Variants in ACTR3 observed in about 807,000 individuals in gnomAD.
ACTR3 encodes the protein actin related protein 3.
A neutral mutation model predicts 56.8 loss-of-function variants in ACTR3; 12 were observed. That is an observed-to-expected ratio of 0.21 (90% CI 0.14 to 0.34). The LOEUF (loss-of-function observed/expected upper bound fraction) is 0.34. Among genes scored for constraint, ACTR3 ranks in the 10% least tolerant of loss-of-function variants. The pLI, the probability that ACTR3 is intolerant of heterozygous loss-of-function variation, is 1.00. For missense variants in ACTR3, 282 were observed against 512.5 expected, an observed-to-expected ratio of 0.55 and a Z score of 4.34; for synonymous variants, 162 against 167.4, an observed-to-expected ratio of 0.97 and a Z score of 0.25.
In ACTR3 at chr2:113,911,936, C is replaced by T. The variant is rs563624762; in HGVS notation, c.45-1236C>T. 2.6e-5 allele frequency among the ~76,000 whole-genome samples: 4 copies of T among 152,188 alleles called. No homozygotes were observed. The East Asian group carries it at 7.7e-4, about 29-fold the overall frequency. ...TTTTTAGTAGAGTTGGGGGTTTCAC[C>T]ATGTTGGTTAGGCTGGTCTCGAACT... On this transcript the variant is annotated intron_variant, in intron 1 of 11. Transcript: ENST00000263238.
intron 4 of ACTR3, among the ~76,000 whole-genome samples, chr2:113,928,483 C>T (rs776076964): frequency 7.2e-5 from 11 of 152,062 alleles, no homozygotes; most frequent in Admixed American, 4.6e-4. Flanking sequence ...ATAAAATCAC[C>T]GGTCTGCACC....
chr2:113,911,475 A>C (rs912305838), intron 1 of ACTR3, among the ~76,000 whole-genome samples: 6 of 144,644 alleles, frequency 4.1e-5, no homozygotes, highest in African/African-American at 1.6e-4. Context: ...GCTGGAATAC[A>C]GTGGCATGAT....
At chr2:113,931,109 T>A (rs1679716275) in intron 4 of ACTR3, among the ~76,000 whole-genome samples, 192 bp from the exon 5 acceptor site, 1 of 152,146 alleles carries the variant, frequency 6.6e-6, no homozygotes, top group Non-Finnish European at 1.5e-5. Context: ...ATTACCATAC[T>A]GTTTTCATAT....
intron 3 of ACTR3, among the ~76,000 whole-genome samples, chr2:113,926,177 A>G (rs914443728): frequency 4.6e-5 from 7 of 152,354 alleles, no homozygotes; most frequent in Admixed American, 2.0e-4. Context: ...TTCTTGTTTT[A>G]TATCGATGTT....
intron 5 of ACTR3, among the ~76,000 whole-genome samples, chr2:113,933,065 TAAAAA>T (rs1213152804): frequency 6.6e-6 from 1 of 152,202 alleles, no homozygotes. Context: ...TTCTCACACT[TAAAAA>T]AGAATTGTGT....
intron 1 of ACTR3, among the ~76,000 whole-genome samples, chr2:113,909,930 A>G (rs1242474977): frequency 6.6e-6 from 1 of 152,194 alleles, no homozygotes; most frequent in Non-Finnish European, 1.5e-5. Context: ...GTAGAGCATC[A>G]TTTGAAGATT....
At chr2:113,945,456 ACT>A (rs1351604554) in intron 8 of ACTR3, among the ~76,000 whole-genome samples, 6 of 151,594 alleles carry the variant, frequency 4.0e-5, no homozygotes, top group Admixed American at 3.3e-4. Context: ...TTCTTTCTAG[ACT>A]CTCTTTTCTT....
In ACTR3 at chr2:113,952,004, C is replaced by T. The variant is rs558266424; in HGVS notation, c.1077+159C>T. On this transcript the variant is annotated intron_variant, in intron 10 of 11. Transcript: ENST00000263238. ...GTTATAGATTTATGTCTGTGATATT[C>T]TGGATCATTTGATTCTTCTAGGATA... 7.4e-6 allele frequency: 7 copies of T among 947,230 alleles called. No individual in the cohort carries two copies. The East Asian group carries it at 1.6e-4, about 22-fold the overall frequency. 58.7% of individuals were successfully genotyped at this position (947,230 alleles called of 1,614,324 possible). A position where few individuals can be genotyped will look rare whatever the true frequency, so the allele number is the denominator to read the frequency against.
intron 3 of ACTR3, among the ~76,000 whole-genome samples, chr2:113,919,180 G>T (rs1235942544): frequency 1.3e-5 from 2 of 152,078 alleles, no homozygotes; most frequent in Non-Finnish European, 2.9e-5. Flanking sequence ...TTTAAAAAAG[G>T]TAAATATGAC....
chr2:113,924,054 CTTT>C (rs35658755), intron 3 of ACTR3, among the ~76,000 whole-genome samples: 18 of 134,914 alleles, frequency 1.3e-4, no homozygotes, highest in Admixed American at 2.2e-4. Flanking sequence ...ACTTTTTTCT[CTTT>C]TTTTTTTTTT....
chr2:113,948,662 C>G (rs746036045), intron 8 of ACTR3, among the ~76,000 whole-genome samples: 2 of 152,140 alleles, frequency 1.3e-5, no homozygotes, highest in Admixed American at 6.5e-5. Flanking sequence ...GAAATCTTTT[C>G]CCTTCCTATA....
At chr2:113,917,536 A>AGTAACCCTGAAGCTTTCCTT (rs1679430185) in intron 3 of ACTR3, among the ~76,000 whole-genome samples, 2 of 152,164 alleles carry the variant, frequency 1.3e-5, no homozygotes, top group Admixed American at 1.3e-4. Flanking sequence ...GAACAAATCT[A>AGTAACCCTGAAGCTTTCCTT]GTAACCCTGA....
rs1343976064 is a variant in ACTR3 at position 113,934,380 on chromosome 2, T to C, written c.534T>C (p.Ile178=). 6.3e-7 allele frequency: 1 copy of C among 1,581,682 alleles called. No individual in the cohort carries two copies. Among genetic ancestry groups the C allele is most frequent in the Non-Finnish European group, 8.6e-7 (1 of 1,165,740 alleles). ...IDSGDGVTHV[I]PVAEGYVIGS... is the part of the protein sequence containing the mutation. ...GTGGAGATGGTGTCACTCATGTCAT[T>C]CCTGTGGTAAGGCTATTTTACAGTT... is the stretch of plus-strand genomic sequence containing the variant. Residue 178 remains isoleucine, a synonymous_variant, in exon 6 of 12, where the codon ATT becomes ATC. Coordinates refer to ENST00000263238, the MANE Select transcript of ACTR3 (RefSeq NM_005721.5).
At chr2:113,938,774 C>T (rs1303788404) in intron 6 of ACTR3, among the ~76,000 whole-genome samples, 2 of 152,152 alleles carry the variant, frequency 1.3e-5, no homozygotes, top group African/African-American at 2.4e-5. Flanking sequence ...TTCCCAGCTC[C>T]CTGTTGGTTC....
At chr2:113,901,843 A>G (rs962045220) in intron 1 of ACTR3, among the ~76,000 whole-genome samples, 2 of 152,214 alleles carry the variant, frequency 1.3e-5, no homozygotes, top group East Asian at 3.8e-4. Context: ...TCACCACTAT[A>G]TTAGCCCCTA....
Position 113,890,132 on chromosome 2 carries a change from C to T in ACTR3, c.-148C>T. ...GCCGACCGAGCCTGCTGCTTTCTTG[C>T]TACTGCTTCGGCTTCCCGGCTACCC... On this transcript the variant is annotated 5_prime_UTR_variant, in exon 1 of 12. Transcript: ENST00000263238. 1.0e-6 allele frequency: 1 copy of T among 982,292 alleles called. No individual in the cohort carries two copies. The highest frequency in any genetic ancestry group is 1.5e-6 in the Non-Finnish European group (1 of 646,992). 60.8% of individuals were successfully genotyped at this position (982,292 alleles called of 1,614,324 possible).
At chr2:113,934,247 T>TTTTTTTTTTTTTTTTTTTTC in intron 5 of ACTR3, 32 bp from the exon 6 acceptor site, 1 of 1,439,238 alleles carries the variant, frequency 6.9e-7, no homozygotes, top group Non-Finnish European at 9.5e-7. Context: ...TTTTTTTTGT[T>TTTTTTTTTTTTTTTTTTTTC]TTTTTGCCTT....
At chr2:113,890,816 AGGGTGTGGGT>A in intron 1 of ACTR3, 1 of 993,616 alleles carries the variant, frequency 1.0e-6, no homozygotes, top group Non-Finnish European at 1.2e-6. Context: ...CATTCTGCCC[AGGGTGTGGGT>A]GGGGAAAGGG....
chr2:113,898,235 T>C (rs1362753505), intron 1 of ACTR3, among the ~76,000 whole-genome samples: 1 of 152,048 alleles, frequency 6.6e-6, no homozygotes, highest in African/African-American at 2.4e-5. Context: ...GGTACAAATA[T>C]AGCATTTAAT....
Sources: gnomAD v4.1 joint callset for allele counts (sites outside exome capture counted in the v4.1 genomes callset) on GRCh38, gnomAD v4.1.1 for gene constraint, MANE v1.5 for transcripts, NCBI Gene and HGNC (gene_info 2026-07-23, HGNC 2026-07-21) for gene names.